Variants in GPD2 observed in about 807,000 individuals in gnomAD.
GPD2 encodes the protein glycerol-3-phosphate dehydrogenase 2, also known as glycerol-3-phosphate dehydrogenase, mitochondrial.
Under a neutral mutation model 82.4 loss-of-function variants are expected in GPD2, and 54 were observed. That is an observed-to-expected ratio of 0.66 (90% CI 0.53 to 0.82). The LOEUF (loss-of-function observed/expected upper bound fraction) is 0.82. GPD2 is among the 40% of genes least tolerant of loss of function. The pLI, the probability that GPD2 is intolerant of heterozygous loss-of-function variation, is 0.00. For missense variants in GPD2, 748 were observed against 896.2 expected, an observed-to-expected ratio of 0.83 and a Z score of 2.11; for synonymous variants, 288 against 306.1, an observed-to-expected ratio of 0.94 and a Z score of 0.62.
chr2:156,556,500 A>T (rs1686966881), intron 8 of GPD2, among the ~76,000 whole-genome samples: 1 of 152,198 alleles, frequency 6.6e-6, no homozygotes, highest in Non-Finnish European at 1.5e-5. Context: ...GGTTTTGTTA[A>T]TGTTTGTTTA....
At chr2:156,555,730 A>G (rs2105343384) in intron 8 of GPD2, among the ~76,000 whole-genome samples, 1 of 152,328 alleles carries the variant, frequency 6.6e-6, no homozygotes, top group South Asian at 2.1e-4. Flanking sequence ...ATATTTAGAG[A>G]ACAAAAATAC....
chr2:156,497,689 A>G (rs1684435540), intron 3 of GPD2, among the ~76,000 whole-genome samples: 1 of 151,950 alleles, frequency 6.6e-6, no homozygotes, highest in Non-Finnish European at 1.5e-5. Flanking sequence ...CTGATTTCAC[A>G]GGATCCACAC....
At chr2:156,529,055 C>T (rs971030984) in intron 6 of GPD2, among the ~76,000 whole-genome samples, 52 of 149,076 alleles carry the variant, frequency 3.5e-4, no homozygotes, top group African/African-American at 1.2e-3. Flanking sequence ...GTCCCACCAA[C>T]AGTGTAAAAG....
chr2:156,420,460 C>T, the GPD2 span, among the ~76,000 whole-genome samples: 8 of 152,078 alleles, frequency 5.3e-5, no homozygotes, highest in East Asian at 1.9e-4. Flanking sequence ...CATAAGTCAC[C>T]GCTCATGGCC....
chr2:156,545,812 A>G (rs893181703), intron 6 of GPD2, among the ~76,000 whole-genome samples: 2 of 152,162 alleles, frequency 1.3e-5, no homozygotes, highest in South Asian at 2.1e-4. Flanking sequence ...GCATGTTAAC[A>G]TAGTTGCCAA....
At chr2:156,538,603 G>A (rs1165155028) in intron 6 of GPD2, among the ~76,000 whole-genome samples, 3 of 151,842 alleles carry the variant, frequency 2.0e-5, no homozygotes, top group Non-Finnish European at 4.4e-5. Context: ...GGTGGATCAC[G>A]AGGTCAGGAG....
intron 1 of GPD2, among the ~76,000 whole-genome samples, chr2:156,446,091 T>C (rs1682358910): frequency 1.5e-5 from 2 of 134,092 alleles, no homozygotes; most frequent in South Asian, 5.6e-4. Context: ...CATATCTACT[T>C]TCTAAACACA....
At chr2:156,497,359 G>A (rs984439209) in intron 3 of GPD2, among the ~76,000 whole-genome samples, 1 of 152,268 alleles carries the variant, frequency 6.6e-6, no homozygotes, top group African/African-American at 2.4e-5. Flanking sequence ...TAACATGAAT[G>A]TAAAAGACTT....
chr2:156,553,616 C>G lies in GPD2; in HGVS notation c.971+2870C>G, dbSNP rs78937754. 5.2e-3 allele frequency among the ~76,000 whole-genome samples: 789 copies of G among 152,166 alleles called. 30 individuals are homozygous for G. The East Asian group carries it at 0.12, about 24-fold the overall frequency. Reference sequence around the variant, plus strand: ...TTCCCCCTACCTTTTGTTCCCTCCCCCAGTTCTTCTCTGGTAATTAATAAC... The same window carrying G: ...TTCCCCCTACCTTTTGTTCCCTCCCGCAGTTCTTCTCTGGTAATTAATAAC... On this transcript the variant is annotated intron_variant, in intron 8 of 16. Transcript: ENST00000438166.
chr2:156,406,127 A>G, the GPD2 span, among the ~76,000 whole-genome samples: 1 of 151,736 alleles, frequency 6.6e-6, no homozygotes, highest in Non-Finnish European at 1.5e-5. Flanking sequence ...AACTAGCCCT[A>G]GGGAAACGGT....
chr2:156,500,275 C>A (rs1186848729), intron 3 of GPD2, among the ~76,000 whole-genome samples: 1 of 151,968 alleles, frequency 6.6e-6, no homozygotes, highest in Admixed American at 6.6e-5. Flanking sequence ...ATGCTGGTAG[C>A]CCTCTGGGAG....
intron 6 of GPD2, among the ~76,000 whole-genome samples, chr2:156,535,915 A>C (rs926719534): frequency 1.3e-5 from 2 of 152,258 alleles, no homozygotes; most frequent in East Asian, 1.9e-4. Context: ...AGCCAAAGCT[A>C]TAGATAGAAC....
chr2:156,450,285 G>A (rs1682509418), intron 1 of GPD2, among the ~76,000 whole-genome samples: 1 of 152,140 alleles, frequency 6.6e-6, no homozygotes, highest in African/African-American at 2.4e-5. Flanking sequence ...GGGTGAATGG[G>A]GTTTGGAGAT....
intron 6 of GPD2, among the ~76,000 whole-genome samples, chr2:156,543,304 C>G (rs1054019524): frequency 6.6e-6 from 1 of 152,168 alleles, no homozygotes; most frequent in Non-Finnish European, 1.5e-5. Context: ...TGATCAGCCT[C>G]TGAACTGTGA....
the GPD2 span, among the ~76,000 whole-genome samples, chr2:156,401,228 T>G: frequency 2.0e-5 from 3 of 152,322 alleles, no homozygotes; most frequent in South Asian, 4.1e-4. Flanking sequence ...TTATAGCAAA[T>G]GTGCTTTTCT....
intron 6 of GPD2, among the ~76,000 whole-genome samples, chr2:156,543,341 G>A (rs530059759): frequency 1.2e-4 from 19 of 152,256 alleles, no homozygotes; most frequent in African/African-American, 4.6e-4. Context: ...TATCTGCTAG[G>A]TAGCAAAGGC....
chr2:156,554,112 AG>A (rs1296522162), intron 8 of GPD2, among the ~76,000 whole-genome samples: 23 of 152,194 alleles, frequency 1.5e-4, no homozygotes, highest in African/African-American at 5.3e-4. Context: ...TCCCTCATTC[AG>A]GACTGACCTT....
chr2:156,568,993 T>TTC, intron 10 of GPD2, 34 bp downstream of exon 10: 2 of 1,301,736 alleles, frequency 1.5e-6, no homozygotes, highest in African/African-American at 1.5e-5. Context: ...TTCTTTTCTT[T>TTC]TTTTTTTTTT....
chr2:156,510,706 G>C (rs2105269022), intron 3 of GPD2, 90 bp from the exon 4 acceptor site: 1 of 1,031,372 alleles, frequency 9.7e-7, no homozygotes, highest in Non-Finnish European at 1.5e-6. Flanking sequence ...AATTTTTCTT[G>C]TGATTGTCTC....
Sources: gnomAD v4.1 joint callset for allele counts (sites outside exome capture counted in the v4.1 genomes callset) on GRCh38, gnomAD v4.1.1 for gene constraint, MANE v1.5 for transcripts, NCBI Gene and HGNC (gene_info 2026-07-23, HGNC 2026-07-21) for gene names.